LRRIQ1: variants seen among roughly 807,000 people sequenced by gnomAD.
LRRIQ1 encodes the protein leucine rich repeats and IQ motif containing 1.
In LRRIQ1, 210 loss-of-function variants were observed where a neutral mutation model predicts 211.9. That is an observed-to-expected ratio of 0.99 (90% CI 0.89 to 1.11). The LOEUF (loss-of-function observed/expected upper bound fraction) is 1.11. LRRIQ1 is among the 50% of genes most tolerant of loss of function. The pLI is 0.00. For missense variants in LRRIQ1, 2,136 were observed against 1,939.5 expected (o/e 1.10, Z -1.90); for synonymous variants, 699 against 650.1 (o/e 1.08, Z -1.14).
intron 18 of LRRIQ1, among the ~76,000 whole-genome samples, chr12:85,133,535 A>G (rs960329034): frequency 6.6e-6 from 1 of 152,138 alleles, no homozygotes; most frequent in African/African-American, 2.4e-5. Flanking sequence ...GGAGAAAGCT[A>G]TGAAGGAAGC....
chr12:85,080,173 T>A (rs2136158072), intron 11 of LRRIQ1, among the ~76,000 whole-genome samples: 1 of 152,192 alleles, frequency 6.6e-6, no homozygotes, highest in African/African-American at 2.4e-5. Flanking sequence ...TATTTTATTG[T>A]ATTCTAGCTT....
At chr12:85,128,421 G>A (rs926384611) in intron 18 of LRRIQ1, among the ~76,000 whole-genome samples, 3 of 151,972 alleles carry the variant, frequency 2.0e-5, no homozygotes, top group Non-Finnish European at 2.9e-5. Context: ...CCCAGAAAGC[G>A]AGACTCCATA....
chr12:85,267,821 T>C (rs1385046830), downstream of LRRIQ1, among the ~76,000 whole-genome samples: 1 of 152,002 alleles, frequency 6.6e-6, no homozygotes, highest in Non-Finnish European at 1.5e-5. Flanking sequence ...AGAACTTTTG[T>C]TTTTTTGTAA....
intron 24 of LRRIQ1, among the ~76,000 whole-genome samples, chr12:85,186,811 C>A (rs1215706068): frequency 6.6e-6 from 1 of 151,880 alleles, no homozygotes; most frequent in African/African-American, 2.4e-5. Context: ...GAGAAGTGCA[C>A]ACCTCTTCCA....
chr12:85,169,950 A>G (rs1018821554), intron 24 of LRRIQ1, among the ~76,000 whole-genome samples: 13 of 152,146 alleles, frequency 8.5e-5, no homozygotes, highest in African/African-American at 3.1e-4. Flanking sequence ...AAAACTTCCT[A>G]AATATATTCT....
chr12:85,270,748 C>G, the LRRIQ1 span, among the ~76,000 whole-genome samples: 1 of 152,070 alleles, frequency 6.6e-6, no homozygotes, highest in African/African-American at 2.4e-5. Context: ...GATACATTAA[C>G]TTTCTTTATA....
At position 85,067,851 on chromosome 12, in the gene LRRIQ1, A is replaced by G. The variant is rs957148345; in HGVS notation, c.2695+953A>G. Reference sequence around the variant, plus strand: ...AAGAAAACCTTTCCTCTTACCTCACATTGAGTTCTGTCATTGCCTCCCATC... The same window carrying G: ...AAGAAAACCTTTCCTCTTACCTCACGTTGAGTTCTGTCATTGCCTCCCATC... On this transcript the variant is annotated intron_variant, in intron 10 of 26. Transcript: ENST00000393217. 5.3e-5 allele frequency among the ~76,000 whole-genome samples: 8 copies of G among 151,996 alleles called. No individual in the cohort carries two copies. The East Asian group carries it at 1.2e-3, about 22-fold the overall frequency.
Position 85,169,710 on chromosome 12 carries a change from CCT to C in LRRIQ1, c.4822+9004_4822+9005del, listed in dbSNP as rs976766929. Among the ~76,000 whole-genome samples, 19 of 152,170 alleles carry C rather than the reference CCT, an allele frequency of 1.2e-4. 2 individuals carry two copies. The Middle Eastern group carries it at 0.031, about 247-fold the overall frequency. ...ATAGCCTTTTCCTCTCTTACCAGCT[CCT>C]CTCTCTCATAACACCTGTCATTTTG... is the stretch of plus-strand genomic sequence containing the variant. On this transcript the variant is annotated intron_variant, in intron 24 of 26. Transcript: ENST00000393217.
intron 24 of LRRIQ1, among the ~76,000 whole-genome samples, chr12:85,196,408 A>G (rs1394830599): frequency 6.6e-6 from 1 of 152,122 alleles, no homozygotes; most frequent in African/African-American, 2.4e-5. Context: ...GAGGCATCAC[A>G]CTACCTAACT....
At chr12:85,181,973 TA>T (rs983014650) in intron 24 of LRRIQ1, among the ~76,000 whole-genome samples, 5 of 152,100 alleles carry the variant, frequency 3.3e-5, no homozygotes, top group African/African-American at 1.2e-4. Flanking sequence ...AGAAATATAT[TA>T]TTGAAATATT....
chr12:85,267,597 A>C (rs1418830363), downstream of LRRIQ1, among the ~76,000 whole-genome samples: 1 of 152,062 alleles, frequency 6.6e-6, no homozygotes, highest in African/African-American at 2.4e-5. Context: ...GTATCAGTGG[A>C]AAATTACAAG....
chr12:85,272,501 ATACT>A, the LRRIQ1 span, among the ~76,000 whole-genome samples: 1 of 152,200 alleles, frequency 6.6e-6, no homozygotes, highest in Non-Finnish European at 1.5e-5. Flanking sequence ...TCCTTTTTAA[ATACT>A]TAGTTTATAG....
intron 11 of LRRIQ1, among the ~76,000 whole-genome samples, chr12:85,081,377 C>G (rs1280294289): frequency 1.3e-5 from 2 of 151,980 alleles, no homozygotes; most frequent in Non-Finnish European, 2.9e-5. Context: ...TCCATTATTA[C>G]TATAATCAGA....
At chr12:85,190,796 A>G (rs1383077662) in intron 24 of LRRIQ1, among the ~76,000 whole-genome samples, 2 of 151,890 alleles carry the variant, frequency 1.3e-5, no homozygotes, top group African/African-American at 2.4e-5. Context: ...CTGAGCATAC[A>G]GTAGTCTTTA....
intron 3 of LRRIQ1, among the ~76,000 whole-genome samples, chr12:85,043,591 A>C (rs1157842116): frequency 1.3e-5 from 2 of 152,198 alleles, no homozygotes; most frequent in Non-Finnish European, 2.9e-5. Context: ...TGTGAGAGGG[A>C]ACTACACGGG....
intron 24 of LRRIQ1, among the ~76,000 whole-genome samples, chr12:85,193,498 A>G (rs1465076977): frequency 1.4e-5 from 2 of 138,864 alleles, no homozygotes; most frequent in Non-Finnish European, 3.1e-5. Context: ...ACAAGCCAGA[A>G]GAGAGTGGGG....
intron 24 of LRRIQ1, chr12:85,162,934 T>G (rs1325042971): frequency 8.2e-6 from 3 of 367,050 alleles, no homozygotes; most frequent in Non-Finnish European, 1.6e-5. Context: ...TGGAAGTTTT[T>G]TTTAACAGTT....
intron 11 of LRRIQ1, among the ~76,000 whole-genome samples, chr12:85,078,456 C>A (rs144701939): frequency 1.3e-5 from 2 of 151,990 alleles, no homozygotes; most frequent in African/African-American, 4.8e-5. Context: ...TACTTCAGAA[C>A]CTATATATTT....
intron 24 of LRRIQ1, among the ~76,000 whole-genome samples, chr12:85,193,394 A>G (rs1473640867): frequency 7.6e-6 from 1 of 131,126 alleles, no homozygotes; most frequent in Non-Finnish European, 1.6e-5. Context: ...GTTGAAATGA[A>G]GGAAAAAATG....
Sources: allele counts gnomAD v4.1 joint callset (sites outside exome capture counted in the v4.1 genomes callset), GRCh38; gene constraint gnomAD v4.1.1; transcripts MANE v1.5; gene names NCBI Gene and HGNC (gene_info 2026-07-23, HGNC 2026-07-21).